The following DLGAP2 variants were observed in gnomAD, a reference collection of about 807,000 sequenced individuals.
The protein encoded by DLGAP2 is disks large-associated protein 2.
In DLGAP2, 26 loss-of-function variants were observed where a neutral mutation model predicts 100.3. The observed-to-expected ratio is 0.26, with a 90% CI of 0.19 to 0.36. The LOEUF (loss-of-function observed/expected upper bound fraction) is 0.36, where lower values mean the gene tolerates loss of function less well. Ranked by LOEUF, DLGAP2 falls within the 10% of genes least tolerant of loss-of-function variation. The pLI, the probability that DLGAP2 is intolerant of heterozygous loss-of-function variation, is 1.00. For synonymous variants in DLGAP2, 886 were observed against 630.1 expected, an observed-to-expected ratio of 1.41 and a Z score of -6.08; for missense variants, 1,858 against 1,453.2, an observed-to-expected ratio of 1.28 and a Z score of -4.53.
chr8:1,313,463 C>T (rs957208811), intron 3 of DLGAP2, among the ~76,000 whole-genome samples: 1 of 152,128 alleles, frequency 6.6e-6, no homozygotes, highest in African/African-American at 2.4e-5. Context: ...CTATACTCCC[C>T]CCCTTAATTA....
chr8:1,378,960 C>T lies in DLGAP2; in HGVS notation c.106+120077C>T, dbSNP rs77996386. 1.8e-3 allele frequency among the ~76,000 whole-genome samples: 276 copies of T among 152,348 alleles called. 4 individuals are homozygous for T. In the South Asian group the frequency reaches 0.028, roughly 15 times the overall value. On this transcript the variant is annotated intron_variant, in intron 3 of 14. Coordinates refer to ENST00000637795, the MANE Select transcript of DLGAP2 (RefSeq NM_001346810.2). Reference sequence around the variant, plus strand: ...CACTTCTAGCTCAGGGTAGCTCATTCTTAGCCCCATAGGGTCCACCACAGC... The same window carrying T: ...CACTTCTAGCTCAGGGTAGCTCATTTTTAGCCCCATAGGGTCCACCACAGC...
At chr8:984,625 A>G (rs1028319771) in intron 2 of DLGAP2, among the ~76,000 whole-genome samples, 1 of 152,206 alleles carries the variant, frequency 6.6e-6, no homozygotes, top group African/African-American at 2.4e-5. Context: ...CCACTCTCCA[A>G]GAACAGCGGT....
chr8:1,509,462 G>A (rs1312522441), intron 4 of DLGAP2, among the ~76,000 whole-genome samples: 5 of 151,990 alleles, frequency 3.3e-5, no homozygotes, highest in African/African-American at 4.8e-5. Context: ...TAAAATATAC[G>A]TCTTATTGTG....
At chr8:1,550,420 A>G (rs1305421742) in intron 5 of DLGAP2, among the ~76,000 whole-genome samples, 1 of 152,146 alleles carries the variant, frequency 6.6e-6, no homozygotes, top group Non-Finnish European at 1.5e-5. Flanking sequence ...CTCTAAACAC[A>G]GTGGGCCATT....
chr8:1,142,642 C>T (rs1796541374), intron 2 of DLGAP2, among the ~76,000 whole-genome samples: 1 of 152,192 alleles, frequency 6.6e-6, no homozygotes, highest in Admixed American at 6.5e-5. Flanking sequence ...AGTGCGGCGA[C>T]TTCGGTGAAG....
chr8:1,021,126 A>G (rs1387534293), intron 2 of DLGAP2, among the ~76,000 whole-genome samples: 1 of 152,206 alleles, frequency 6.6e-6, no homozygotes, highest in Admixed American at 6.5e-5. Flanking sequence ...ACAGATAATT[A>G]ATATCAATTT....
At chr8:1,448,281 G>T (rs1413041785) in intron 3 of DLGAP2, among the ~76,000 whole-genome samples, 2 of 152,076 alleles carry the variant, frequency 1.3e-5, no homozygotes, top group Non-Finnish European at 2.9e-5. Context: ...ATTCTGGTAT[G>T]TTGTGTCTTT....
rs184614915 is a variant in DLGAP2, at chr8:1,637,394, C to T, written c.1810+4348C>T. Among the ~76,000 whole-genome samples, 393 of 152,000 alleles carry T rather than the reference C, an allele frequency of 2.6e-3. 2 individuals are homozygous for T. Among genetic ancestry groups the T allele is most frequent in the Non-Finnish European group, 4.5e-3 (308 of 68,010 alleles). ...CTGTCACTCTGACACAAGGGCTTTA[C>T]AAATAGGCTCAGAAACTGTTGCGCG... is the stretch of plus-strand genomic sequence containing the variant. On this transcript the variant is annotated intron_variant, in intron 8 of 14. Transcript: ENST00000637795.
chr8:1,007,907 G>A (rs1801167753), intron 2 of DLGAP2, among the ~76,000 whole-genome samples: 1 of 152,166 alleles, frequency 6.6e-6, no homozygotes, highest in Non-Finnish European at 1.5e-5. Flanking sequence ...CATAGTAGGG[G>A]AGGGAATCAA....
chr8:839,748 T>G (rs1158477189), intron 1 of DLGAP2, among the ~76,000 whole-genome samples: 1 of 152,232 alleles, frequency 6.6e-6, no homozygotes, highest in East Asian at 1.9e-4. Flanking sequence ...GACTTCTTCA[T>G]GTTTATTCAC....
intron 3 of DLGAP2, among the ~76,000 whole-genome samples, chr8:1,418,286 G>A (rs1339388002): frequency 6.6e-6 from 1 of 151,992 alleles, no homozygotes; most frequent in East Asian, 1.9e-4. Context: ...TAAATAGTAT[G>A]GTCTAAAAAT....
intron 2 of DLGAP2, among the ~76,000 whole-genome samples, chr8:945,019 G>T (rs1252441921): frequency 6.6e-6 from 1 of 152,178 alleles, no homozygotes; most frequent in Admixed American, 6.5e-5. Flanking sequence ...CAATCTATGT[G>T]TTAGATGTGA....
Position 997,966 on chromosome 8 carries a change from C to T in DLGAP2, c.73+90000C>T, listed in dbSNP as rs569536312. ...GACAAACACATCACACATGCATACA[C>T]GCATGCATGTACATGCACAAACACG... On this transcript the variant is annotated intron_variant, in intron 2 of 14. Coordinates refer to ENST00000637795, the MANE Select transcript of DLGAP2 (RefSeq NM_001346810.2). Among the ~76,000 whole-genome samples the T allele has an allele frequency of 3.5e-4, 53 of 152,148 alleles. 1 individual carries two copies. The East Asian group carries it at 8.3e-3, about 24-fold the overall frequency.
At chr8:1,464,859 G>C (rs1012914013) in intron 3 of DLGAP2, among the ~76,000 whole-genome samples, 9 of 152,212 alleles carry the variant, frequency 5.9e-5, no homozygotes, top group African/African-American at 2.2e-4. Context: ...TCCTATGCAA[G>C]AGTTTCAGAG....
chr8:894,692 T>C (rs1165013851), intron 1 of DLGAP2, among the ~76,000 whole-genome samples: 3 of 106,774 alleles, frequency 2.8e-5, no homozygotes, highest in South Asian at 3.1e-4. Context: ...GAGCGGTGGA[T>C]GGCAGGGGTG....
intron 3 of DLGAP2, among the ~76,000 whole-genome samples, chr8:1,486,722 T>C (rs1799244546): frequency 1.3e-5 from 2 of 152,248 alleles, no homozygotes. Flanking sequence ...GCCAGGGTTT[T>C]TCATTACAGA....
intron 3 of DLGAP2, among the ~76,000 whole-genome samples, chr8:1,294,873 C>CAAAAA (rs1314028697): frequency 2.1e-5 from 3 of 140,518 alleles, no homozygotes; most frequent in South Asian, 2.3e-4. Flanking sequence ...TGTCTCAAAA[C>CAAAAA]AAAAAAAAAC....
At chr8:1,285,555 G>A (rs935869799) in intron 3 of DLGAP2, among the ~76,000 whole-genome samples, 3 of 152,178 alleles carry the variant, frequency 2.0e-5, no homozygotes, top group African/African-American at 4.8e-5. Context: ...CACTGCCCAC[G>A]TGAACAAGAC....
chr8:815,973 T>A (rs956628419), intron 1 of DLGAP2, among the ~76,000 whole-genome samples: 1 of 152,232 alleles, frequency 6.6e-6, no homozygotes, highest in African/African-American at 2.4e-5. Context: ...CCCATCTTTG[T>A]CTTTTTAAAA....
Sources: allele counts gnomAD v4.1 joint callset (sites outside exome capture counted in the v4.1 genomes callset), GRCh38; gene constraint gnomAD v4.1.1; transcripts MANE v1.5; gene names NCBI Gene and HGNC (gene_info 2026-07-23, HGNC 2026-07-21).